The following DNMT1 variants were observed in gnomAD, a reference collection of about 807,000 sequenced individuals.
DNMT1 encodes DNA methyltransferase 1.
Under a neutral mutation model 205.3 loss-of-function variants are expected in DNMT1, and 24 were observed. The ratio of observed to expected loss-of-function variants is 0.12; its 90% CI spans 0.08 to 0.16. The LOEUF is 0.16. DNMT1 is among the 10% of genes least tolerant of loss of function. DNMT1 has a pLI of 1.00. For missense variants in DNMT1, 1,293 were observed against 2,177.7 expected, an observed-to-expected ratio of 0.59 and a Z score of 8.09; for synonymous variants, 817 against 839.8, an observed-to-expected ratio of 0.97 and a Z score of 0.47.
rs752966527 is a variant in DNMT1 at position 10,180,495 on chromosome 19, G to C, written c.300C>G (p.Asn100Lys). Reference sequence around the variant, plus strand: ...TTTCTAGACGTCCATTCACTTCCCGGTTGTAAGCATGAGCACCGTTCTCCA... The same window carrying C: ...TTTCTAGACGTCCATTCACTTCCCGCTTGTAAGCATGAGCACCGTTCTCCA... ...LSLENGAHAY[N>K]REVNGRLENG... Residue 100 changes from asparagine to lysine, a missense_variant, in exon 4 of 41, where the codon AAC (asparagine) becomes AAG (lysine). This residue lies in a region of DNMT1 where 394 missense variants were observed against 451.6 expected (regional missense o/e 0.87). Transcript: ENST00000359526. 3 of 1,614,056 alleles carry C rather than the reference G, an allele frequency of 1.9e-6. No individual in the cohort carries two copies. The highest frequency in any genetic ancestry group is 1.7e-5 in the Admixed American group (1 of 59,976).
At chr19:10,134,561 A>C (rs1294541889) in intron 39 of DNMT1, among the ~76,000 whole-genome samples, 1 of 152,228 alleles carries the variant, frequency 6.6e-6, no homozygotes, top group Admixed American at 6.5e-5. Flanking sequence ...ACTTGAGACA[A>C]AGACACGTGG....
intron 29 of DNMT1, among the ~76,000 whole-genome samples, chr19:10,143,159 C>T (rs2089636834): frequency 6.6e-6 from 1 of 152,194 alleles, no homozygotes; most frequent in Non-Finnish European, 1.5e-5. Flanking sequence ...GACAGCGGGA[C>T]AGAACCTGGA....
At position 10,155,841 on chromosome 19, in the gene DNMT1, C is replaced by A; in HGVS notation, c.1492+12G>T. 2.5e-6 allele frequency: 4 copies of A among 1,611,772 alleles called. No individual in the cohort carries two copies. Among genetic ancestry groups the A allele is most frequent in the Non-Finnish European group, 3.4e-6 (4 of 1,178,944 alleles). On this transcript the variant is annotated intron_variant, in intron 19 of 40. Coordinates refer to ENST00000359526, the MANE Select transcript of DNMT1 (RefSeq NM_001130823.3). ...CAGACCCCGGCCAGCCTATGATGGGCCACACACTTACAGGTGCTGAAGCCG... is the reference window on the plus strand; with the variant it reads ...CAGACCCCGGCCAGCCTATGATGGGACACACACTTACAGGTGCTGAAGCCG...
At chr19:10,147,426 C>T (rs1166330225) in intron 27 of DNMT1, among the ~76,000 whole-genome samples, 1 of 152,078 alleles carries the variant, frequency 6.6e-6, no homozygotes, top group Non-Finnish European at 1.5e-5. Context: ...GCCTGGCCAA[C>T]ACGGTGAAGC....
Position 10,146,521 on chromosome 19 carries a change from G to C in DNMT1, c.2724C>G (p.Phe908Leu). ...CAGCCAGACGGGCACAGCTCACACAGAATCTGAAGGAAACAAAGGGACAGA... is the reference window on the plus strand; with the variant it reads ...CAGCCAGACGGGCACAGCTCACACACAATCTGAAGGAAACAAAGGGACAGA... Reference protein sequence around the residue: ...TQPTEDNKFKFCVSCARLAEM... With the variant: ...TQPTEDNKFKLCVSCARLAEM... The change falls in exon 28 of 41, where the codon TTC becomes TTG. Residue 908 changes from phenylalanine (F) to leucine (L), a missense_variant. Coordinates refer to ENST00000359526, the MANE Select transcript of DNMT1 (RefSeq NM_001130823.3). This position sits in a 1 kb window ranked among gnomAD's most constrained non-coding sequence, Gnocchi z 4.4. The C allele has an allele frequency of 6.2e-7, 1 of 1,614,044 alleles. No individual in the cohort carries two copies.
Position 10,137,055 on chromosome 19 carries a change from C to G in DNMT1, c.4489+30G>C. ...GGGCTCTGCCTTCCTTCCCCTCAGC[C>G]CACCGGGAACCACAACTTACAGGAC... is the stretch of plus-strand genomic sequence containing the variant. On this transcript the variant is annotated intron_variant, in intron 37 of 40. Transcript: ENST00000359526. This position sits in a 1 kb window ranked among gnomAD's most constrained non-coding sequence, Gnocchi z 6.4. 2 of 1,604,768 alleles carry G rather than the reference C, an allele frequency of 1.2e-6. No homozygotes were observed. Among genetic ancestry groups the G allele is most frequent in the Non-Finnish European group, 1.7e-6 (2 of 1,176,326 alleles).
At position 10,177,438 on chromosome 19, in the gene DNMT1, T is replaced by C. The variant is rs1312730867; in HGVS notation, c.494-71A>G. 7 of 1,460,330 alleles carry C rather than the reference T, an allele frequency of 4.8e-6. 1 individual carries two copies. In the East Asian group the frequency reaches 1.6e-4, roughly 34 times the overall value. The allele number at this position is 1,460,330 out of a possible 1,614,324, so 90.5% of individuals were successfully genotyped here. A position where few individuals can be genotyped will look rare whatever the true frequency, so the allele number is the denominator to read the frequency against. ...ATCAATAGAAAGCCCACAGCAATAATGCAGTTCAACATTACTAAGCTATTG... is the reference window on the plus strand; with the variant it reads ...ATCAATAGAAAGCCCACAGCAATAACGCAGTTCAACATTACTAAGCTATTG... On this transcript the variant is annotated intron_variant, in intron 5 of 40. Transcript: ENST00000359526.
At chr19:10,171,804 CAAATAAATAAAT>C (rs201700970) in intron 9 of DNMT1, among the ~76,000 whole-genome samples, 223 of 139,996 alleles carry the variant, frequency 1.6e-3, no homozygotes, top group African/African-American at 4.8e-3. Flanking sequence ...GACTCCGTCT[CAAATAAATAAAT>C]AAATAAATAA....
In DNMT1 at chr19:10,159,932, C is replaced by T. The variant is rs757503681; in HGVS notation, c.1090-10G>A. ...ACTTGGGAGGGTGGGTCTGTGGGAG[C>T]AGGAACACAGATGATGGCACTCAGA... On this transcript the variant is annotated splice_polypyrimidine_tract_variant and intron_variant, in intron 15 of 40. Transcript: ENST00000359526. This position sits in a 1 kb window ranked among gnomAD's most constrained non-coding sequence, Gnocchi z 5.0. 1 of 1,614,184 alleles carries T rather than the reference C, an allele frequency of 6.2e-7. No homozygotes were observed. Among genetic ancestry groups the T allele is most frequent in the Non-Finnish European group, 8.5e-7 (1 of 1,180,020 alleles).
intron 10 of DNMT1, among the ~76,000 whole-genome samples, chr19:10,167,887 G>A (rs1019096371): frequency 1.3e-5 from 2 of 152,120 alleles, no homozygotes; most frequent in African/African-American, 4.8e-5. Context: ...CACTTTGGGA[G>A]GCGAGGCAGG....
rs1281971051 is a variant in DNMT1, at chr19:10,173,123, C to T, written c.735G>A (p.Thr245=). The T allele has an allele frequency of 3.1e-6, 5 of 1,614,122 alleles. No individual in the cohort carries two copies. The highest frequency in any genetic ancestry group is 1.1e-5 in the South Asian group (1 of 91,082). Residue 245 remains threonine, a synonymous_variant, in exon 9 of 41, where the codon ACG becomes ACA. Transcript: ENST00000359526. ...CTCTTTCTTCTTCCTTTTCAGTGCG[C>T]GTTCCTGATTTTGCTCTTTCAGGTT... ...AEEPERAKSG[T]RTEKEEERDE...
In DNMT1 at chr19:10,148,873, C is replaced by T; in HGVS notation, c.2720+11G>A. 6.2e-7 allele frequency: 1 copy of T among 1,614,114 alleles called. No homozygotes were observed. Among genetic ancestry groups the T allele is most frequent in the Non-Finnish European group, 8.5e-7 (1 of 1,179,992 alleles). ...GTGCCTGCTGACCCCGAGTCCAGCC[C>T]CAGTGCTCACTTGAACTTGTTGTCC... is the stretch of plus-strand genomic sequence containing the variant. On this transcript the variant is annotated intron_variant, in intron 27 of 40. Transcript: ENST00000359526.
At chr19:10,155,112 T>C in intron 19 of DNMT1, 56 bp from the exon 20 acceptor site, 2 of 1,609,334 alleles carry the variant, frequency 1.2e-6, no homozygotes, top group Non-Finnish European at 1.7e-6. Context: ...GCGCCTACAG[T>C]GGCCACAGGG....
At position 10,149,459 on chromosome 19, in the gene DNMT1, G is replaced by A. The variant is rs1599359489; in HGVS notation, c.2580C>T (p.Ala860=). ...VIYKAPSENW[A]MEGGMDPESL... Reference sequence around the variant, plus strand: ...AGGGACACCAGGCACTCACCTCCATGGCCCAGTTTTCGGAGGGGGCTTTGT... The same window carrying A: ...AGGGACACCAGGCACTCACCTCCATAGCCCAGTTTTCGGAGGGGGCTTTGT... The change falls in exon 26 of 41, where the codon GCC becomes GCT. Residue 860 remains alanine, a synonymous_variant. Transcript: ENST00000359526. The A allele has an allele frequency of 6.2e-7, 1 of 1,613,980 alleles. No homozygotes were observed. Among genetic ancestry groups the A allele is most frequent in the African/African-American group, 1.3e-5 (1 of 74,902 alleles).
rs745767142 is a variant in DNMT1 at position 10,159,837 on chromosome 19, C to G, written c.1170+5G>C. On this transcript the variant is annotated splice_donor_5th_base_variant and intron_variant, in intron 16 of 40. Transcript: ENST00000359526. The surrounding 1 kb of genome is among the most constrained non-coding windows in gnomAD (Gnocchi z 5.0). ...GAGGAAGGCTGGGAAGAGAGCTGTACGTACCGCGTCTGGTGGGTGCTGCCC... is the reference window on the plus strand; with the variant it reads ...GAGGAAGGCTGGGAAGAGAGCTGTAGGTACCGCGTCTGGTGGGTGCTGCCC... 3 of 1,614,072 alleles carry G rather than the reference C, an allele frequency of 1.9e-6. No individual in the cohort carries two copies. Among genetic ancestry groups the G allele is most frequent in the Non-Finnish European group, 2.5e-6 (3 of 1,180,054 alleles).
At chr19:10,144,029 T>C in intron 28 of DNMT1, 42 bp from the exon 29 acceptor site, 2 of 1,597,602 alleles carry the variant, frequency 1.3e-6, no homozygotes, top group Non-Finnish European at 1.7e-6. Context: ...ACCTTCCACC[T>C]TGCAGTGGTC....
At chr19:10,180,938 G>A in intron 2 of DNMT1, 53 bp from the exon 3 acceptor site, 3 of 1,445,380 alleles carry the variant, frequency 2.1e-6, no homozygotes, top group South Asian at 1.2e-5. Context: ...CTATTCACTA[G>A]TGGACTAATA....
rs1348019056 is a variant in DNMT1, at chr19:10,194,862, A to T, written c.38T>A (p.Leu13Gln). Residue 13 changes from leucine (L) to glutamine (Q), a missense_variant, in exon 1 of 41, where the codon CTG (leucine) becomes CAG (glutamine). Coordinates refer to ENST00000359526, the MANE Select transcript of DNMT1 (RefSeq NM_001130823.3). ...GGGCAGCGAGATGGCCGGGACGGCC[A>T]GTGTGGGCACCCGGGCTGGGGCGGT... Reference protein sequence around the residue: ...ARTAPARVPTLAVPAISLPDD... With the variant: ...ARTAPARVPTQAVPAISLPDD... 6.2e-7 allele frequency: 1 copy of T among 1,610,978 alleles called. No homozygotes were observed.
At chr19:10,187,080 C>A (rs1267289545) in intron 1 of DNMT1, among the ~76,000 whole-genome samples, 2 of 151,748 alleles carry the variant, frequency 1.3e-5, no homozygotes, top group Non-Finnish European at 2.9e-5. Context: ...AAAGGCACCT[C>A]CAGAGAGGTG....
Sources: gnomAD v4.1 joint callset for allele counts (sites outside exome capture counted in the v4.1 genomes callset) on GRCh38, gnomAD v4.1.1 for gene constraint, gnomAD v4.1.1 regional missense constraint, Gnocchi (gnomAD v3.1) non-coding constraint, MANE v1.5 for transcripts, NCBI Gene and HGNC (gene_info 2026-07-23, HGNC 2026-07-21) for gene names.